Variants in IL1RL1 observed in about 807,000 individuals in gnomAD.
The protein encoded by IL1RL1 is interleukin-1 receptor-like 1.
Under a neutral mutation model 50.9 loss-of-function variants are expected in IL1RL1, and 32 were observed. That is an observed-to-expected ratio of 0.63 (90% CI 0.47 to 0.84). The LOEUF (loss-of-function observed/expected upper bound fraction) is 0.84, where lower values mean the gene tolerates loss of function less well. Among genes scored for constraint, IL1RL1 ranks in the 40% least tolerant of loss-of-function variants. IL1RL1 has a pLI of 0.00. For synonymous variants in IL1RL1, 275 were observed against 236.0 expected, an observed-to-expected ratio of 1.17 and a Z score of -1.51; for missense variants, 773 against 662.9, an observed-to-expected ratio of 1.17 and a Z score of -1.82.
Position 102,348,070 on chromosome 2 carries a change from A to G in IL1RL1, c.1096A>G (p.Lys366Glu). ...CACTCTGCTCTGGAGAGACATAGCT[A>G]AACCTTACAAGACTAGGAATGGTAA... ...EATLLWRDIA[K>E]PYKTRNDGKL... The change falls in exon 9 of 11, where the codon AAA becomes GAA. Residue 366 changes from lysine to glutamate, a missense_variant. Lys to Glu is a moderately conservative substitution (Grantham distance 56). Transcript: ENST00000233954. 1.9e-6 allele frequency: 3 copies of G among 1,612,686 alleles called. No homozygotes were observed. Among genetic ancestry groups the G allele is most frequent in the Non-Finnish European group, 2.5e-6 (3 of 1,179,280 alleles).
intron 1 of IL1RL1, among the ~76,000 whole-genome samples, chr2:102,323,273 AGTGTGT>A (rs55689851): frequency 2.1e-5 from 1 of 48,488 alleles, no homozygotes; most frequent in African/African-American, 7.0e-5. Flanking sequence ...ATATATATAT[AGTGTGT>A]GTGTGTGTGT....
intron 1 of IL1RL1, among the ~76,000 whole-genome samples, chr2:102,314,163 T>C (rs1573124800): frequency 7.3e-6 from 1 of 136,394 alleles, no homozygotes; most frequent in South Asian, 2.3e-4. Context: ...GCAGCAGCAG[T>C]CGACACTTAC....
chr2:102,333,955 T>C (rs1677240637), intron 1 of IL1RL1, among the ~76,000 whole-genome samples: 1 of 152,178 alleles, frequency 6.6e-6, no homozygotes, highest in Non-Finnish European at 1.5e-5. Flanking sequence ...GGTGCATAGG[T>C]ACAACATTTT....
rs1384560205 is a variant in IL1RL1, at chr2:102,340,277, G to C, written c.447+5G>C. On this transcript the variant is annotated splice_donor_5th_base_variant and intron_variant, in intron 4 of 10. Transcript: ENST00000233954. ...GCACCTCTTGAGTGGTTTAAGGTAA[G>C]AAGAAATTTGGAAGGAAATAGATGA... is the stretch of plus-strand genomic sequence containing the variant. 13 of 1,577,776 alleles carry C rather than the reference G, an allele frequency of 8.2e-6. No homozygotes were observed. The highest frequency in any genetic ancestry group is 1.1e-5 in the Non-Finnish European group (13 of 1,168,530).
At chr2:102,330,354 G>T (rs546848452) in intron 1 of IL1RL1, among the ~76,000 whole-genome samples, 2 of 144,642 alleles carry the variant, frequency 1.4e-5, no homozygotes, top group Admixed American at 6.9e-5. Flanking sequence ...GTGGGGGGAG[G>T]GGGGAGGCAT....
intron 1 of IL1RL1, chr2:102,337,001 G>A (rs1459136330): frequency 6.6e-6 from 1 of 152,146 alleles, no homozygotes; most frequent in Admixed American, 6.5e-5. Flanking sequence ...TCCCAATATC[G>A]GGGTACAGGC....
intron 8 of IL1RL1, chr2:102,345,325 T>C: frequency 9.1e-6 from 9 of 985,402 alleles, no homozygotes; most frequent in Non-Finnish European, 1.1e-5. Flanking sequence ...TTTCCTCACT[T>C]GTTCTTCACA....
intron 1 of IL1RL1, among the ~76,000 whole-genome samples, chr2:102,332,064 C>T (rs1027037981): frequency 3.9e-5 from 6 of 152,110 alleles, no homozygotes; most frequent in Admixed American, 1.3e-4. Context: ...TGAGACCTTG[C>T]CTCAGAAATA....
chr2:102,342,587 G>A (rs1202912908), intron 6 of IL1RL1, among the ~76,000 whole-genome samples: 1 of 152,168 alleles, frequency 6.6e-6, no homozygotes, highest in Admixed American at 6.5e-5. Context: ...GAGACCTGCA[G>A]GGTGTTCATT....
chr2:102,324,869 A>T, intron 1 of IL1RL1, among the ~76,000 whole-genome samples: 1 of 152,208 alleles, frequency 6.6e-6, no homozygotes. Flanking sequence ...CGAACTGGGT[A>T]GAGCCCACTG....
chr2:102,314,429 T>A (rs1467195190), intron 1 of IL1RL1, among the ~76,000 whole-genome samples: 2 of 152,198 alleles, frequency 1.3e-5, no homozygotes, highest in East Asian at 3.8e-4. Flanking sequence ...AAAGGGATGC[T>A]ATCCTAATGA....
Position 102,343,114 on chromosome 2 carries a change from A to G in IL1RL1, c.761A>G (p.Asn254Ser), listed in dbSNP as rs1161461092. The G allele has an allele frequency of 6.2e-7, 1 of 1,614,146 alleles. No individual in the cohort carries two copies. The highest frequency in any genetic ancestry group is 8.5e-7 in the Non-Finnish European group (1 of 1,180,004). The change falls in exon 7 of 11, where the codon AAT (asparagine) becomes AGT (serine). Residue 254 changes from asparagine to serine, a missense_variant. By Grantham distance (46) the Asn-to-Ser change is conservative. Coordinates refer to ENST00000233954, the MANE Select transcript of IL1RL1 (RefSeq NM_016232.5). ...TTGGCTGCCGTCCTGTGGCAGCTTA[A>G]TGGAACAAAAATTACAGACTTTGGT... ...QFLAAVLWQL[N>S]GTKITDFGEP...
At chr2:102,343,744 C>T in intron 8 of IL1RL1, 1 of 1,227,530 alleles carries the variant, frequency 8.1e-7, no homozygotes, top group Non-Finnish European at 1.0e-6. Flanking sequence ...AATGCACCAA[C>T]AACCGTAAAC....
At chr2:102,311,928 TATATTATATATAATATTA>T (rs1559592007) in intron 1 of IL1RL1, among the ~76,000 whole-genome samples, 35 of 45,646 alleles carry the variant, frequency 7.7e-4, no homozygotes, top group Admixed American at 3.7e-3. Flanking sequence ...TTATATAATA[TATATTATATATAATATTA>T]TATATAATAT....
chr2:102,323,801 A>T (rs1185682335), intron 1 of IL1RL1, among the ~76,000 whole-genome samples: 2 of 152,166 alleles, frequency 1.3e-5, no homozygotes, highest in Admixed American at 6.5e-5. Flanking sequence ...ATATCCATGC[A>T]TACCACCTCT....
chr2:102,343,180 A>G lies in IL1RL1; in HGVS notation c.824+3A>G. The G allele has an allele frequency of 3.7e-6, 6 of 1,614,126 alleles. No individual in the cohort carries two copies. Among genetic ancestry groups the G allele is most frequent in the African/African-American group, 1.3e-5 (1 of 75,030 alleles). ...CAAGAGGAAGGGCAAAATCAAAGGT[A>G]TTTTTATATTGAAGAGAACCATCCT... On this transcript the variant is annotated splice_donor_region_variant and intron_variant, in intron 7 of 10. Transcript: ENST00000233954.
chr2:102,331,280 G>C (rs1009899889), intron 1 of IL1RL1, among the ~76,000 whole-genome samples: 4 of 152,222 alleles, frequency 2.6e-5, no homozygotes, highest in African/African-American at 9.6e-5. Context: ...AGCAGATTCT[G>C]CTGCTGGGAG....
At chr2:102,319,836 G>A (rs1345363969) in intron 1 of IL1RL1, among the ~76,000 whole-genome samples, 1 of 152,134 alleles carries the variant, frequency 6.6e-6, no homozygotes, top group Non-Finnish European at 1.5e-5. Context: ...CCATGGGCAT[G>A]TGCCATCATG....
At chr2:102,315,152 T>C (rs72823635) in intron 1 of IL1RL1, among the ~76,000 whole-genome samples, 26,169 of 152,046 alleles carry the variant, frequency 0.17, 2,573 homozygotes, top group African/African-American at 0.25. Flanking sequence ...CATTGAGTAA[T>C]GGGGCCTCTG....
Sources: allele counts gnomAD v4.1 joint callset (sites outside exome capture counted in the v4.1 genomes callset), GRCh38; gene constraint gnomAD v4.1.1; transcripts MANE v1.5; gene names NCBI Gene and HGNC (gene_info 2026-07-23, HGNC 2026-07-21).